The following NSUN2 variants were observed in gnomAD, a reference collection of about 807,000 sequenced individuals.
The protein encoded by NSUN2 is NOP2/Sun RNA methyltransferase 2.
A neutral mutation model predicts 92.7 loss-of-function variants in NSUN2; 63 were observed. The ratio of observed to expected loss-of-function variants is 0.68; its 90% CI spans 0.56 to 0.84. The LOEUF (loss-of-function observed/expected upper bound fraction) is 0.84, where lower values mean the gene tolerates loss of function less well. NSUN2 is among the 40% of genes least tolerant of loss of function. The pLI is 0.00. For synonymous variants in NSUN2, 356 were observed against 348.3 expected (o/e 1.02, Z -0.25); for missense variants, 989 against 964.9 (o/e 1.02, Z -0.33).
chr5:6,606,717 G>T, intron 14 of NSUN2, 103 bp downstream of exon 14: 2 of 564,270 alleles, frequency 3.5e-6, no homozygotes, highest in Non-Finnish European at 6.1e-6. Flanking sequence ...AAAAAAGCTA[G>T]ACAGAACTAC....
chr5:6,608,280 A>C (rs1444215039), intron 12 of NSUN2, among the ~76,000 whole-genome samples: 2 of 152,264 alleles, frequency 1.3e-5, no homozygotes, highest in African/African-American at 2.4e-5. Flanking sequence ...CTTCTTGTTG[A>C]GTCCAGCTCC....
At position 6,604,759 on chromosome 5, in the gene NSUN2, A is replaced by T; in HGVS notation, c.1738-74T>A. ...ATCTCCTGTAAGGATGCCGGGCCACATGGAGCAACCGTCACGGAATGGGAA... is the reference window on the plus strand; with the variant it reads ...ATCTCCTGTAAGGATGCCGGGCCACTTGGAGCAACCGTCACGGAATGGGAA... On this transcript the variant is annotated intron_variant, in intron 15 of 18. Coordinates refer to ENST00000264670, the MANE Select transcript of NSUN2 (RefSeq NM_017755.6). 3.2e-6 allele frequency: 4 copies of T among 1,239,514 alleles called. No homozygotes were observed. In the South Asian group the frequency reaches 4.8e-5, roughly 15 times the overall value. The allele number at this position is 1,239,514 out of a possible 1,614,324, so 76.8% of individuals were successfully genotyped here. A position where few individuals can be genotyped will look rare whatever the true frequency, so the allele number is the denominator to read the frequency against.
chr5:6,624,110 G>GT (rs1737561764), intron 4 of NSUN2, among the ~76,000 whole-genome samples: 1 of 152,218 alleles, frequency 6.6e-6, no homozygotes, highest in Admixed American at 6.5e-5. Flanking sequence ...CTTTTACACT[G>GT]ATGGCTGCTA....
intron 14 of NSUN2, among the ~76,000 whole-genome samples, chr5:6,605,914 C>T (rs947644213): frequency 2.0e-5 from 3 of 152,058 alleles, no homozygotes; most frequent in African/African-American, 7.2e-5. Flanking sequence ...AGACTGGTCT[C>T]AAACTCCTAA....
chr5:6,623,472 C>T (rs1473333688), intron 4 of NSUN2, among the ~76,000 whole-genome samples, 187 bp from the exon 5 acceptor site: 1 of 152,138 alleles, frequency 6.6e-6, no homozygotes, highest in East Asian at 1.9e-4. Flanking sequence ...CAAATGGTTG[C>T]TATACCATTC....
intron 15 of NSUN2, chr5:6,604,987 T>C: frequency 1.7e-6 from 1 of 587,074 alleles, no homozygotes; most frequent in East Asian, 2.9e-5. Context: ...TTTAGTACCT[T>C]CTCTGCCCAG....
chr5:6,621,081 G>A (rs997398298), intron 6 of NSUN2: 1 of 152,170 alleles, frequency 6.6e-6, no homozygotes, highest in Admixed American at 6.5e-5. Context: ...AACTAGAGAA[G>A]TTTGCCTGAA....
chr5:6,631,546 G>A (rs1175298035), intron 3 of NSUN2, among the ~76,000 whole-genome samples: 2 of 152,190 alleles, frequency 1.3e-5, no homozygotes, highest in Admixed American at 6.5e-5. Context: ...TTTTCTGAAG[G>A]CAAAGCAGCC....
At chr5:6,618,534 CCTAAAATA>C (rs1469477131) in intron 7 of NSUN2, among the ~76,000 whole-genome samples, 1 of 151,780 alleles carries the variant, frequency 6.6e-6, no homozygotes, top group African/African-American at 2.4e-5. Flanking sequence ...TTTTTCAGAA[CCTAAAATA>C]CTATTGAAAA....
At chr5:6,601,428 G>A (rs564984175) in intron 18 of NSUN2, among the ~76,000 whole-genome samples, 1 of 151,982 alleles carries the variant, frequency 6.6e-6, no homozygotes, top group South Asian at 2.1e-4. Context: ...GGTCCCCAGG[G>A]TGCTCATGCG....
At chr5:6,620,507 A>G in intron 6 of NSUN2, 1 of 407,780 alleles carries the variant, frequency 2.5e-6, no homozygotes, top group Non-Finnish European at 4.3e-6. Context: ...GAATTTTGAA[A>G]GCCTCAAAAG....
At chr5:6,603,694 CA>C (rs1736645203) in intron 17 of NSUN2, among the ~76,000 whole-genome samples, 1 of 151,732 alleles carries the variant, frequency 6.6e-6, no homozygotes, top group Admixed American at 6.6e-5. Context: ...TGTCTCAAAA[CA>C]AAAAAAGAAA....
chr5:6,600,324 C>G (rs1346069447), intron 18 of NSUN2, 92 bp from the exon 19 acceptor site: 5 of 1,199,890 alleles, frequency 4.2e-6, no homozygotes, highest in Non-Finnish European at 4.6e-6. Context: ...AAAAGAAAAC[C>G]ACAGAAAACC....
chr5:6,625,629 T>C lies in NSUN2; in HGVS notation c.400A>G (p.Lys134Glu), dbSNP rs1401353131. The part of the protein sequence containing the change: ...ELAWHTNLSR[K>E]ILRKSPHLEK... ...AAGTGTGGCGATTTTCTCAAGATTT[T>C]TCGACTTAAATTTGTGTGCCAGGCA... Residue 134 changes from lysine to glutamate, a missense_variant, in exon 4 of 19, where the codon AAA (lysine) becomes GAA (glutamate). Physicochemically the swap from Lys to Glu is moderately conservative, Grantham distance 56 (BLOSUM62 1). Around this residue, in one of 3 missense-constraint regions of NSUN2, gnomAD observed 356 missense variants for 338.6 expected, o/e 1.05. Transcript: ENST00000264670. 11 of 1,614,118 alleles carry C rather than the reference T, an allele frequency of 6.8e-6. No homozygotes were observed. In the Admixed American group the frequency reaches 1.8e-4, roughly 27 times the overall value.
Position 6,632,912 on chromosome 5 carries a change from G to A in NSUN2, c.68C>T (p.Ala23Val). Residue 23 changes from alanine (A) to valine (V), a missense_variant, in exon 1 of 19, where the codon GCC becomes GTC. Around this residue, in one of 3 missense-constraint regions of NSUN2, gnomAD observed 356 missense variants for 338.6 expected, o/e 1.05. Transcript: ENST00000264670. ...QQRPEDAEDG[A>V]EGGGKRGEAG... is the part of the protein sequence containing the mutation. ...CTCGCCGCGCTTTCCACCACCCTCGGCGCCATCCTCCGCGTCCTCCGGCCG... is the reference window on the plus strand; with the variant it reads ...CTCGCCGCGCTTTCCACCACCCTCGACGCCATCCTCCGCGTCCTCCGGCCG... 2 of 1,522,348 alleles carry A rather than the reference G, an allele frequency of 1.3e-6. No individual in the cohort carries two copies. The highest frequency in any genetic ancestry group is 1.8e-6 in the Non-Finnish European group (2 of 1,141,442). 94.3% of individuals were successfully genotyped at this position (1,522,348 alleles called of 1,614,324 possible). A position where few individuals can be genotyped will look rare whatever the true frequency, so the allele number is the denominator to read the frequency against.
Position 6,600,035 on chromosome 5 carries a change from A to G in NSUN2, c.2195T>C (p.Val732Ala). The G allele has an allele frequency of 3.1e-6, 5 of 1,614,192 alleles. No individual in the cohort carries two copies. Among genetic ancestry groups the G allele is most frequent in the Non-Finnish European group, 4.2e-6 (5 of 1,180,030 alleles). Reference sequence around the variant, plus strand: ...CTCTCCTGCTCTCTGTCCCTCAGTCACGTCATTGTCTGGCTGTCCGGTGCT... The same window carrying G: ...CTCTCCTGCTCTCTGTCCCTCAGTCGCGTCATTGTCTGGCTGTCCGGTGCT... ...AASTGQPDND[V>A]TEGQRAGEPN... is the part of the protein sequence containing the mutation. The change falls in exon 19 of 19, where the codon GTG becomes GCG. Residue 732 changes from valine to alanine, a missense_variant. Val to Ala is a moderately conservative substitution (Grantham distance 64, BLOSUM62 0). Coordinates refer to ENST00000264670, the MANE Select transcript of NSUN2 (RefSeq NM_017755.6).
intron 3 of NSUN2, among the ~76,000 whole-genome samples, chr5:6,626,748 A>C (rs1051549636): frequency 6.6e-6 from 1 of 152,250 alleles, no homozygotes; most frequent in Admixed American, 6.5e-5. Flanking sequence ...TCCAATGCCA[A>C]ACCAAGTGTA....
chr5:6,615,203 G>C (rs1347181057), intron 9 of NSUN2, among the ~76,000 whole-genome samples: 1 of 151,982 alleles, frequency 6.6e-6, no homozygotes, highest in African/African-American at 2.4e-5. Flanking sequence ...CCACCCTCAA[G>C]TCTGAGTCGT....
intron 14 of NSUN2, among the ~76,000 whole-genome samples, chr5:6,606,020 C>T (rs144275850): frequency 1.3e-5 from 2 of 152,178 alleles, no homozygotes; most frequent in African/African-American, 4.8e-5. Context: ...TGCAAAGGAC[C>T]AGTTATTAAA....
Sources: allele counts gnomAD v4.1 joint callset (sites outside exome capture counted in the v4.1 genomes callset), GRCh38; gene constraint gnomAD v4.1.1; regional missense constraint gnomAD v4.1.1; transcripts MANE v1.5; gene names NCBI Gene and HGNC (gene_info 2026-07-23, HGNC 2026-07-21).